ZZEF1: variants seen among roughly 807,000 people sequenced by gnomAD.
The protein encoded by ZZEF1 is zinc finger ZZ-type and EF-hand domain containing 1.
A neutral mutation model predicts 342.8 loss-of-function variants in ZZEF1; 157 were observed. That is an observed-to-expected ratio of 0.46 (90% CI 0.40 to 0.52). The LOEUF (loss-of-function observed/expected upper bound fraction) is 0.52, where lower values mean the gene tolerates loss of function less well. Among genes scored for constraint, ZZEF1 ranks in the 20% least tolerant of loss-of-function variants. The pLI is 0.00. For synonymous variants in ZZEF1, 1,505 were observed against 1,429.1 expected (o/e 1.05, Z -1.20); for missense variants, 3,480 against 3,725.6 (o/e 0.93, Z 1.72).
chr17:4,017,220 A>G lies in ZZEF1; in HGVS notation c.8001+151T>C, dbSNP rs776061943. On this transcript the variant is annotated intron_variant, in intron 48 of 54. Transcript: ENST00000381638. The surrounding 1 kb of genome is among the most constrained non-coding windows in gnomAD (Gnocchi z 5.1). ...TCACTAGCCCAATCCTTGGGAGAGG[A>G]TACAGTGACCCTACCTTTGCTGCAT... 55 of 1,112,970 alleles carry G rather than the reference A, an allele frequency of 4.9e-5. No individual in the cohort carries two copies. Among genetic ancestry groups the G allele is most frequent in the Non-Finnish European group, 6.6e-5 (53 of 800,590 alleles). The allele number at this position is 1,112,970 out of a possible 1,614,324, so 68.9% of individuals were successfully genotyped here.
At chr17:4,051,085 A>G in intron 35 of ZZEF1, 42 bp from the exon 36 acceptor site, 1 of 1,613,688 alleles carries the variant, frequency 6.2e-7, no homozygotes, top group Non-Finnish European at 8.5e-7. Context: ...ACCCTCCAAA[A>G]GCTTTTGTGG....
At chr17:4,049,616 G>A (rs2057001396) in intron 37 of ZZEF1, 92 bp downstream of exon 37, 3 of 1,478,296 alleles carry the variant, frequency 2.0e-6, no homozygotes, top group Non-Finnish European at 1.8e-6. Context: ...TTAGGAGTCT[G>A]TGCTCTTAAC....
intron 3 of ZZEF1, 38 bp downstream of exon 3, chr17:4,116,934 A>T: frequency 6.6e-7 from 1 of 1,518,086 alleles, no homozygotes; most frequent in Non-Finnish European, 8.9e-7. Flanking sequence ...AGAAGAAATG[A>T]TCAGAGTATT....
At chr17:4,018,227 ATTAAT>A (rs1488427302) in intron 46 of ZZEF1, among the ~76,000 whole-genome samples, 1 of 152,152 alleles carries the variant, frequency 6.6e-6, no homozygotes, top group Non-Finnish European at 1.5e-5. Flanking sequence ...CATTTTTAAA[ATTAAT>A]TTAAATGTTT....
chr17:4,064,555 C>A lies in ZZEF1; in HGVS notation c.4524G>T (p.Val1508=). The A allele has an allele frequency of 1.2e-6, 2 of 1,614,142 alleles. No individual in the cohort carries two copies. Among genetic ancestry groups the A allele is most frequent in the Non-Finnish European group, 1.7e-6 (2 of 1,180,024 alleles). ...PSSSGLPAAD[V]SPATAEEPLS... Reference sequence around the variant, plus strand: ...AGGGCTCTTCAGCTGTGGCAGGGGACACGTCTGCAGCAGGAAGGCCACTGC... The same window carrying A: ...AGGGCTCTTCAGCTGTGGCAGGGGAAACGTCTGCAGCAGGAAGGCCACTGC... The change falls in exon 29 of 55, where the codon GTG becomes GTT. Residue 1508 remains valine, a synonymous_variant. Coordinates refer to ENST00000381638, the MANE Select transcript of ZZEF1 (RefSeq NM_015113.4).
At chr17:4,134,721 T>G (rs1405587994) in intron 1 of ZZEF1, among the ~76,000 whole-genome samples, 1 of 152,086 alleles carries the variant, frequency 6.6e-6, no homozygotes, top group Admixed American at 6.6e-5. Flanking sequence ...AGCTTGAATT[T>G]GAATCCTGGA....
At chr17:4,033,104 C>T in intron 40 of ZZEF1, 102 bp from the exon 41 acceptor site, 1 of 1,122,260 alleles carries the variant, frequency 8.9e-7, no homozygotes, top group Non-Finnish European at 1.2e-6. Flanking sequence ...TTCAAAGAGC[C>T]ATTCATTAAC....
intron 42 of ZZEF1, among the ~76,000 whole-genome samples, chr17:4,026,977 T>C (rs983098607): frequency 6.6e-6 from 1 of 152,158 alleles, no homozygotes; most frequent in Non-Finnish European, 1.5e-5. Context: ...ATAAATAATG[T>C]TCAGCGCAGT....
At chr17:4,032,776 T>C (rs2056576788) in intron 41 of ZZEF1, 52 bp downstream of exon 41, 2 of 1,590,240 alleles carry the variant, frequency 1.3e-6, no homozygotes, top group African/African-American at 1.3e-5. Flanking sequence ...TTGGTGTGTA[T>C]AGTGAAGACT....
chr17:4,121,175 C>T (rs555473378), intron 2 of ZZEF1, among the ~76,000 whole-genome samples: 3 of 152,338 alleles, frequency 2.0e-5, no homozygotes, highest in African/African-American at 7.2e-5. Flanking sequence ...CACAACAGTA[C>T]ACTACGAATT....
chr17:4,087,657 A>G, intron 13 of ZZEF1, 123 bp from the exon 14 acceptor site: 1 of 805,234 alleles, frequency 1.2e-6, no homozygotes, highest in East Asian at 2.8e-5. Context: ...AGACTTTCAT[A>G]TTACTGATGC....
intron 23 of ZZEF1, 61 bp downstream of exon 23, chr17:4,075,036 G>T: frequency 1.3e-6 from 2 of 1,559,498 alleles, no homozygotes; most frequent in Non-Finnish European, 1.8e-6. Flanking sequence ...CCCCCTGAAG[G>T]CTGACAAAAG....
At chr17:4,079,206 G>A (rs2057677609) in intron 18 of ZZEF1, among the ~76,000 whole-genome samples, 1 of 152,186 alleles carries the variant, frequency 6.6e-6, no homozygotes, top group Admixed American at 6.5e-5. Context: ...TTTCAGTCCT[G>A]GCTCTAGCAC....
At chr17:4,019,834 T>C (rs984189870) in intron 45 of ZZEF1, 65 bp from the exon 46 acceptor site, 2 of 1,268,948 alleles carry the variant, frequency 1.6e-6, no homozygotes, top group Admixed American at 5.0e-5. Context: ...ATTGATCAAC[T>C]GAACTCAAAA....
intron 2 of ZZEF1, among the ~76,000 whole-genome samples, chr17:4,121,924 C>A (rs1196438844): frequency 2.0e-5 from 3 of 152,018 alleles, no homozygotes; most frequent in Non-Finnish European, 4.4e-5. Flanking sequence ...CACTATGCTG[C>A]CCTGGCTGGT....
chr17:4,086,438 C>A (rs1234063535), intron 15 of ZZEF1, 48 bp downstream of exon 15: 3 of 1,598,470 alleles, frequency 1.9e-6, no homozygotes, highest in Non-Finnish European at 2.6e-6. Context: ...AGAGGCCCTT[C>A]ACGCTACCTA....
intron 25 of ZZEF1, 121 bp from the exon 26 acceptor site, chr17:4,071,045 A>C (rs1037802095): frequency 2.5e-6 from 3 of 1,200,616 alleles, no homozygotes; most frequent in Non-Finnish European, 3.5e-6. Context: ...CGGAAGTTTA[A>C]ATCTATTTTA....
At chr17:4,026,156 G>C (rs2056398199) in intron 42 of ZZEF1, among the ~76,000 whole-genome samples, 1 of 152,200 alleles carries the variant, frequency 6.6e-6, no homozygotes, top group Admixed American at 6.5e-5. Flanking sequence ...TGGGGCAGAA[G>C]AAAGAGCTAC....
Position 4,016,730 on chromosome 17 carries a change from G to A in ZZEF1, c.8002-264C>T. Reference sequence around the variant, plus strand: ...AGAACTAACTGAACCAATCATAAAGGGTCCTGGTCCTTGAAGGAGTCCCCA... The same window carrying A: ...AGAACTAACTGAACCAATCATAAAGAGTCCTGGTCCTTGAAGGAGTCCCCA... On this transcript the variant is annotated intron_variant, in intron 48 of 54. Coordinates refer to ENST00000381638, the MANE Select transcript of ZZEF1 (RefSeq NM_015113.4). This position sits in a 1 kb window ranked among gnomAD's most constrained non-coding sequence, Gnocchi z 4.4. 2.6e-6 allele frequency: 1 copy of A among 380,514 alleles called. No individual in the cohort carries two copies. Among genetic ancestry groups the A allele is most frequent in the Non-Finnish European group, 4.7e-6 (1 of 212,148 alleles). 23.6% of individuals were successfully genotyped at this position (380,514 alleles called of 1,614,324 possible). A position where few individuals can be genotyped will look rare whatever the true frequency, so the allele number is the denominator to read the frequency against.
Sources: allele counts gnomAD v4.1 joint callset (sites outside exome capture counted in the v4.1 genomes callset), GRCh38; gene constraint gnomAD v4.1.1; non-coding constraint Gnocchi (gnomAD v3.1); transcripts MANE v1.5; gene names NCBI Gene and HGNC (gene_info 2026-07-23, HGNC 2026-07-21).